The following DGKB variants were observed in gnomAD, a reference collection of about 807,000 sequenced individuals.
DGKB encodes diacylglycerol kinase beta, also known as 90 kDa diacylglycerol kinase.
Under a neutral mutation model 114.3 loss-of-function variants are expected in DGKB, and 67 were observed. That is an observed-to-expected ratio of 0.59 (90% CI 0.48 to 0.72). The LOEUF is 0.72. DGKB is among the 30% of genes least tolerant of loss of function. The pLI is 0.00. For synonymous variants in DGKB, 398 were observed against 323.1 expected (o/e 1.23, Z -2.49); for missense variants, 907 against 975.2 (o/e 0.93, Z 0.93).
chr7:14,695,164 A>G (rs1563934109), intron 8 of DGKB, among the ~76,000 whole-genome samples: 2 of 152,188 alleles, frequency 1.3e-5, no homozygotes, highest in Non-Finnish European at 2.9e-5. Flanking sequence ...TGGTGTCTTC[A>G]CTCAGGAAGT....
chr7:14,808,157 A>C (rs1842986971), intron 2 of DGKB, among the ~76,000 whole-genome samples: 2 of 152,048 alleles, frequency 1.3e-5, no homozygotes, highest in South Asian at 4.1e-4. Context: ...TTTATTATAG[A>C]CTAACAAGTC....
chr7:14,407,691 T>C (rs539461603), intron 21 of DGKB, among the ~76,000 whole-genome samples: 1 of 152,078 alleles, frequency 6.6e-6, no homozygotes, highest in African/African-American at 2.4e-5. Context: ...TCTAATGAGT[T>C]GTATTATAAA....
At chr7:14,466,205 T>C (rs1357968663) in intron 21 of DGKB, among the ~76,000 whole-genome samples, 3 of 152,112 alleles carry the variant, frequency 2.0e-5, no homozygotes, top group Non-Finnish European at 2.9e-5. Flanking sequence ...CAAGCGCTCA[T>C]TGAGTGCCTA....
chr7:14,574,293 A>G lies in DGKB; in HGVS notation c.1689T>C (p.Phe563=). 2.5e-6 allele frequency: 4 copies of G among 1,613,328 alleles called. No homozygotes were observed. The highest frequency in any genetic ancestry group is 3.4e-6 in the Non-Finnish European group (4 of 1,179,462). ...STEIMLDRWK[F]EVIPNDKDEK... ...CATCTTTGTCATTAGGTATGACTTC[A>G]AACTTCCACCTGTCCAACATGATTT... The change falls in exon 20 of 26, where the codon TTT becomes TTC. Residue 563 remains phenylalanine (F), a synonymous_variant. Coordinates refer to ENST00000402815, the MANE Select transcript of DGKB (RefSeq NM_001350709.2).
chr7:14,228,166 C>A (rs1157485778), intron 23 of DGKB, among the ~76,000 whole-genome samples: 1 of 151,904 alleles, frequency 6.6e-6, no homozygotes, highest in Non-Finnish European at 1.5e-5. Flanking sequence ...GATTTTTCAT[C>A]ATTTATTTTT....
intron 2 of DGKB, among the ~76,000 whole-genome samples, chr7:14,834,672 G>A (rs1009220024): frequency 2.0e-4 from 31 of 152,030 alleles, no homozygotes; most frequent in African/African-American, 7.2e-4. Flanking sequence ...TGTAATATGA[G>A]CAAAAAATGA....
chr7:14,358,185 GT>G (rs1486164511), intron 21 of DGKB, among the ~76,000 whole-genome samples: 1 of 152,124 alleles, frequency 6.6e-6, no homozygotes, highest in Non-Finnish European at 1.5e-5. Context: ...CCTGAAGAAT[GT>G]TTTCCAACTT....
At chr7:14,826,827 T>A (rs999597790) in intron 2 of DGKB, among the ~76,000 whole-genome samples, 6 of 152,290 alleles carry the variant, frequency 3.9e-5, no homozygotes, top group Middle Eastern at 3.4e-3. Context: ...ATAAGCTCTT[T>A]ATAAGTGTTA....
At chr7:14,440,287 T>C (rs536216270) in intron 21 of DGKB, among the ~76,000 whole-genome samples, 29 of 152,212 alleles carry the variant, frequency 1.9e-4, no homozygotes, top group African/African-American at 7.0e-4. Flanking sequence ...CAGATGCAGT[T>C]TGTCAATTTG....
At chr7:14,620,965 A>G (rs1807524316) in intron 15 of DGKB, among the ~76,000 whole-genome samples, 1 of 151,692 alleles carries the variant, frequency 6.6e-6, no homozygotes, top group East Asian at 1.9e-4. Context: ...ATGCATTCAG[A>G]GTTCATTTTC....
chr7:14,921,373 T>G (rs1389724468), intron 1 of DGKB, among the ~76,000 whole-genome samples: 1 of 152,134 alleles, frequency 6.6e-6, no homozygotes. Flanking sequence ...CTTGCTTAAT[T>G]TTTCTGCAAA....
At chr7:14,463,073 C>G (rs1405678368) in intron 21 of DGKB, among the ~76,000 whole-genome samples, 1 of 152,138 alleles carries the variant, frequency 6.6e-6, no homozygotes, top group African/African-American at 2.4e-5. Flanking sequence ...CTACCTTACA[C>G]TTTATACAAA....
chr7:14,559,948 T>A (rs1201062230), intron 20 of DGKB, among the ~76,000 whole-genome samples: 3 of 151,530 alleles, frequency 2.0e-5, no homozygotes, highest in African/African-American at 4.8e-5. Context: ...TCTCTTCCTC[T>A]CTTCTTCCCT....
chr7:14,856,938 C>A (rs114653326), intron 1 of DGKB, among the ~76,000 whole-genome samples: 1 of 152,108 alleles, frequency 6.6e-6, no homozygotes, highest in Non-Finnish European at 1.5e-5. Flanking sequence ...TGAGTCACCC[C>A]TAACCTCAGC....
chr7:14,709,642 A>C (rs1013321618), intron 6 of DGKB, among the ~76,000 whole-genome samples: 22 of 146,522 alleles, frequency 1.5e-4, no homozygotes, highest in African/African-American at 5.3e-4. Flanking sequence ...AGCCATAAAA[A>C]ATGATGAGTT....
chr7:14,378,409 G>T (rs889794208), intron 21 of DGKB, among the ~76,000 whole-genome samples: 2 of 152,140 alleles, frequency 1.3e-5, no homozygotes, highest in African/African-American at 4.8e-5. Context: ...TATGTAAGAT[G>T]CTAACTTTAG....
intron 21 of DGKB, among the ~76,000 whole-genome samples, chr7:14,431,880 C>T (rs917061484): frequency 6.6e-6 from 1 of 151,962 alleles, no homozygotes; most frequent in Non-Finnish European, 1.5e-5. Flanking sequence ...TATATTGTAG[C>T]TATGGTATAA....
intron 23 of DGKB, among the ~76,000 whole-genome samples, chr7:14,313,918 T>C (rs780841054): frequency 2.6e-5 from 4 of 152,204 alleles, no homozygotes; most frequent in Admixed American, 6.5e-5. Flanking sequence ...GTTCTCCCAG[T>C]GCGCAGCCAG....
chr7:14,149,773 T>A (rs940641949), intron 25 of DGKB, among the ~76,000 whole-genome samples: 2 of 152,100 alleles, frequency 1.3e-5, no homozygotes, highest in African/African-American at 4.8e-5. Context: ...AAGTTAAAAG[T>A]TAACATGCAT....
Sources: allele counts gnomAD v4.1 joint callset (sites outside exome capture counted in the v4.1 genomes callset), GRCh38; gene constraint gnomAD v4.1.1; transcripts MANE v1.5; gene names NCBI Gene and HGNC (gene_info 2026-07-23, HGNC 2026-07-21).